The following ENTPD5 variants were observed in gnomAD, a reference collection of about 807,000 sequenced individuals.
ENTPD5 encodes the protein ectonucleoside triphosphate diphosphohydrolase 5 (inactive).
A neutral mutation model predicts 60.2 loss-of-function variants in ENTPD5; 49 were observed. The observed-to-expected ratio is 0.81, with a 90% CI of 0.65 to 1.03. The LOEUF (loss-of-function observed/expected upper bound fraction) is 1.03. Among genes scored for constraint, ENTPD5 ranks in the 50% least tolerant of loss-of-function variants. The pLI is 0.00. For synonymous variants in ENTPD5, 187 were observed against 185.4 expected, an observed-to-expected ratio of 1.01 and a Z score of -0.07; for missense variants, 480 against 507.6, an observed-to-expected ratio of 0.95 and a Z score of 0.52.
chr14:73,959,571 G>C, downstream of ENTPD5: 1 of 1,613,320 alleles, frequency 6.2e-7, no homozygotes, highest in Non-Finnish European at 8.5e-7. Context: ...GGGAGATACA[G>C]AAAGGTGTTG....
chr14:73,982,881 G>T, intron 6 of ENTPD5, 137 bp downstream of exon 6: 1 of 786,106 alleles, frequency 1.3e-6, no homozygotes, highest in Non-Finnish European at 2.0e-6. Flanking sequence ...GCTATAACAA[G>T]TGGTCAGAGT....
chr14:74,008,223 G>A (rs1052654733), intron 3 of ENTPD5, among the ~76,000 whole-genome samples: 1 of 152,058 alleles, frequency 6.6e-6, no homozygotes, highest in African/African-American at 2.4e-5. Flanking sequence ...GAACCTCCTG[G>A]GGGAGGGATT....
At position 73,966,995 on chromosome 14, in the gene ENTPD5, T is replaced by C. The variant is rs745766561; in HGVS notation, c.1220A>G (p.Asn407Ser). 1.2e-6 allele frequency: 2 copies of C among 1,614,182 alleles called. No individual in the cohort carries two copies. The highest frequency in any genetic ancestry group is 1.1e-5 in the South Asian group (1 of 91,084). ...CCCCAAGGCCCAGCCCGTCTCTATGTTGTTCACTTTCTTTGTGAGCTGTTG... is the reference window on the plus strand; with the variant it reads ...CCCCAAGGCCCAGCCCGTCTCTATGCTGTTCACTTTCTTTGTGAGCTGTTG... Reference protein sequence around the residue: ...TVLQLTKKVNNIETGWALGAT... With the variant: ...TVLQLTKKVNSIETGWALGAT... The change falls in exon 16 of 16, where the codon AAC becomes AGC. Residue 407 changes from asparagine to serine, a missense_variant. Asn to Ser is a conservative substitution (Grantham distance 46, BLOSUM62 1). Coordinates refer to ENST00000334696, the MANE Select transcript of ENTPD5 (RefSeq NM_001249.5).
intron 3 of ENTPD5, among the ~76,000 whole-genome samples, chr14:73,992,532 A>G (rs2058174670): frequency 6.6e-6 from 1 of 151,848 alleles, no homozygotes; most frequent in Non-Finnish European, 1.5e-5. Flanking sequence ...TAAAATACAA[A>G]AAAAAATTAG....
chr14:73,972,325 G>C (rs1297354727), intron 13 of ENTPD5, among the ~76,000 whole-genome samples: 1 of 152,100 alleles, frequency 6.6e-6, no homozygotes, highest in Non-Finnish European at 1.5e-5. Flanking sequence ...AGTGAGCCTA[G>C]ATCATGCCAT....
Position 74,011,454 on chromosome 14 carries a change from ATG to A in ENTPD5, c.-130-306_-130-305del, listed in dbSNP as rs373104801. On this transcript the variant is annotated intron_variant, in intron 2 of 15. Transcript: ENST00000334696. ...ACACTCCCTCTAGAAGCTGGTGTAT[ATG>A]TGTGTGTAAAGGTGGAGAAGGCAAT... is the stretch of plus-strand genomic sequence containing the variant. Among the ~76,000 whole-genome samples the A allele has an allele frequency of 1.2e-4, 18 of 152,250 alleles. 1 individual carries two copies. Among genetic ancestry groups the A allele is most frequent in the African/African-American group, 3.9e-4 (16 of 41,554 alleles).
intron 5 of ENTPD5, 181 bp downstream of exon 5, chr14:73,986,633 C>G (rs762343715): frequency 1.7e-6 from 1 of 590,350 alleles, no homozygotes; most frequent in Non-Finnish European, 3.0e-6. Context: ...CTTCTTCCAC[C>G]CAGCCCTCAT....
In ENTPD5 at chr14:74,007,338, G is replaced by A. The variant is rs140346360; in HGVS notation, c.-71+3753C>T. Among the ~76,000 whole-genome samples the A allele has an allele frequency of 4.8e-3, 728 of 152,074 alleles. 4 individuals carry two copies. The highest frequency in any genetic ancestry group is 0.017 in the Middle Eastern group (5 of 294). On this transcript the variant is annotated intron_variant, in intron 3 of 15. Coordinates refer to ENST00000334696, the MANE Select transcript of ENTPD5 (RefSeq NM_001249.5). ...AAATCAAGACCATCCTGGCTAACAC[G>A]GTGAAACCCCGTCTCTACTAAAAAT...
rs2057333014 is a variant in ENTPD5 at position 73,973,935 on chromosome 14, C to A, written c.828G>T (p.Trp276Cys). ...HTFRSACLPR[W>C]LEAEWIFGGV... ...CCCCAAAGATCCACTCTGCTTCCAA[C>A]CATCTCGGTAAACAGGCACTCCGGA... The change falls in exon 12 of 16, where the codon TGG becomes TGT. Residue 276 changes from tryptophan to cysteine, a missense_variant. Transcript: ENST00000334696. 6.2e-7 allele frequency: 1 copy of A among 1,614,136 alleles called. No individual in the cohort carries two copies. Among genetic ancestry groups the A allele is most frequent in the South Asian group, 1.1e-5 (1 of 91,088 alleles).
intron 12 of ENTPD5, among the ~76,000 whole-genome samples, chr14:73,973,522 G>C (rs2057317249): frequency 6.6e-6 from 1 of 152,130 alleles, no homozygotes; most frequent in Non-Finnish European, 1.5e-5. Flanking sequence ...TAAGAGGTAG[G>C]GTCTCCCTGT....
In ENTPD5 at chr14:73,975,999, G is replaced by A. The variant is rs1034693857; in HGVS notation, c.659C>T (p.Thr220Ile). ...LPQFEKTLEQ[T>I]PRGYLTSFEM... ...AAAGGAAGTGAGGTAGCCCCTAGGA[G>A]TTTGTTCCAGAGTTTTCTGCAAATC... The change falls in exon 10 of 16, where the codon ACT becomes ATT. Residue 220 changes from threonine (T) to isoleucine (I), a missense_variant. Transcript: ENST00000334696. The A allele has an allele frequency of 3.1e-6, 5 of 1,613,300 alleles. 1 individual carries two copies. The African/African-American group carries it at 6.7e-5, about 22-fold the overall frequency.
At chr14:73,974,603 A>T (rs879892456) in intron 11 of ENTPD5, among the ~76,000 whole-genome samples, 14 of 152,212 alleles carry the variant, frequency 9.2e-5, no homozygotes, top group Non-Finnish European at 1.8e-4. Context: ...CCTCCAATGT[A>T]AAGCTCAGGG....
At chr14:73,989,469 G>A (rs137948939) in intron 3 of ENTPD5, among the ~76,000 whole-genome samples, 42,776 of 135,504 alleles carry the variant, frequency 0.32, 7,936 homozygotes, top group Non-Finnish European at 0.42. Flanking sequence ...AGGCCGAGGC[G>A]GGCGGATCAC....
At chr14:74,018,622 G>A (rs1031953696) in intron 1 of ENTPD5, 1 of 152,278 alleles carries the variant, frequency 6.6e-6, no homozygotes. Context: ...AAAGAAGGCT[G>A]CGGACCGGTA....
downstream of ENTPD5, chr14:73,962,822 C>T (rs184164714): frequency 6.0e-6 from 4 of 670,582 alleles, no homozygotes; most frequent in African/African-American, 3.6e-5. Context: ...GTCTCTAAAA[C>T]GTGTGTATAT....
chr14:74,012,165 C>T (rs995160485), intron 2 of ENTPD5, among the ~76,000 whole-genome samples: 4 of 152,120 alleles, frequency 2.6e-5, no homozygotes, highest in African/African-American at 9.7e-5. Flanking sequence ...AGTGCAATGG[C>T]ATGATCTCGG....
At chr14:74,008,531 C>G (rs1034103775) in intron 3 of ENTPD5, among the ~76,000 whole-genome samples, 1 of 151,646 alleles carries the variant, frequency 6.6e-6, no homozygotes, top group Non-Finnish European at 1.5e-5. Context: ...GTAGCTAGGA[C>G]GATGGGTGCC....
chr14:73,984,794 T>C (rs2057832849), intron 5 of ENTPD5, among the ~76,000 whole-genome samples: 1 of 152,182 alleles, frequency 6.6e-6, no homozygotes, highest in Admixed American at 6.5e-5. Context: ...GTGCACAATG[T>C]GCAGGTTTGT....
At chr14:74,003,590 T>C (rs1006454288) in intron 3 of ENTPD5, 2 of 575,144 alleles carry the variant, frequency 3.5e-6, no homozygotes, top group Admixed American at 2.2e-5. Context: ...CTTGTCTCAA[T>C]GGATCCAGAA....
Sources: gnomAD v4.1 joint callset for allele counts (sites outside exome capture counted in the v4.1 genomes callset) on GRCh38, gnomAD v4.1.1 for gene constraint, MANE v1.5 for transcripts, NCBI Gene and HGNC (gene_info 2026-07-23, HGNC 2026-07-21) for gene names.